NRG1: variants seen among roughly 807,000 people sequenced by gnomAD.
NRG1 encodes neuregulin 1, also known as pro-neuregulin-1, membrane-bound isoform.
In NRG1, 18 loss-of-function variants were observed where a neutral mutation model predicts 63.8. The ratio of observed to expected loss-of-function variants is 0.28; its 90% CI spans 0.19 to 0.42. The LOEUF (loss-of-function observed/expected upper bound fraction) is 0.42. Ranked by LOEUF, NRG1 falls within the 10% of genes least tolerant of loss-of-function variation. NRG1 has a pLI of 1.00. For missense variants in NRG1, 762 were observed against 814.7 expected (o/e 0.94, Z 0.79); for synonymous variants, 302 against 301.3 (o/e 1.00, Z -0.02).
chr8:31,844,893 G>A (rs1334691312), intron 1 of NRG1, among the ~76,000 whole-genome samples: 1 of 151,926 alleles, frequency 6.6e-6, no homozygotes, highest in Non-Finnish European at 1.5e-5. Flanking sequence ...AGGATCATGA[G>A]GTCAGAAGTT....
intron 5 of NRG1, among the ~76,000 whole-genome samples, chr8:32,682,554 A>G (rs1200090418): frequency 6.6e-6 from 1 of 152,188 alleles, no homozygotes; most frequent in Non-Finnish European, 1.5e-5. Context: ...GCTGGTTTCT[A>G]GAAGATAAAT....
chr8:32,696,557 TG>T (rs1185720124), intron 5 of NRG1, among the ~76,000 whole-genome samples: 1 of 152,188 alleles, frequency 6.6e-6, no homozygotes, highest in Non-Finnish European at 1.5e-5. Context: ...TTACCACTTT[TG>T]CCTGCCCTTC....
chr8:31,911,205 A>G (rs1832915204), intron 1 of NRG1, among the ~76,000 whole-genome samples: 2 of 152,178 alleles, frequency 1.3e-5, no homozygotes, highest in Admixed American at 6.5e-5. Context: ...AAACAGAAGT[A>G]CCACTTGACC....
intron 1 of NRG1, among the ~76,000 whole-genome samples, chr8:31,901,453 A>G (rs1041409775): frequency 6.6e-6 from 1 of 152,240 alleles, no homozygotes; most frequent in African/African-American, 2.4e-5. Context: ...AGGCTGCATG[A>G]CAGAAGTATT....
At chr8:32,471,368 G>GT (rs1176022106) in intron 1 of NRG1, among the ~76,000 whole-genome samples, 6 of 152,120 alleles carry the variant, frequency 3.9e-5, no homozygotes, top group African/African-American at 7.2e-5. Context: ...AAGTGAGTCT[G>GT]TTTTTTCCCC....
chr8:32,711,669 T>C (rs560657338), intron 5 of NRG1, among the ~76,000 whole-genome samples: 2 of 152,274 alleles, frequency 1.3e-5, no homozygotes, highest in Admixed American at 6.5e-5. Flanking sequence ...CACCTCCATT[T>C]TTGCAATTAC....
chr8:32,288,733 G>C (rs112858460), intron 1 of NRG1, among the ~76,000 whole-genome samples: 22 of 152,252 alleles, frequency 1.4e-4, no homozygotes, highest in African/African-American at 4.8e-4. Flanking sequence ...CATCGTCAGC[G>C]TGAGGAAGGG....
chr8:32,317,116 T>C (rs1231828790), intron 1 of NRG1, among the ~76,000 whole-genome samples: 1 of 114,460 alleles, frequency 8.7e-6, no homozygotes, highest in East Asian at 2.0e-4. Flanking sequence ...ATACGTTCTC[T>C]CCATGATTTA....
intron 6 of NRG1, chr8:32,728,507 G>A (rs2129015735): frequency 2.0e-6 from 2 of 985,394 alleles, no homozygotes; most frequent in Non-Finnish European, 1.2e-6. Flanking sequence ...AGACAACAAA[G>A]AGAAGCAGAA....
At chr8:32,560,058 A>C (rs2129526698) in intron 1 of NRG1, among the ~76,000 whole-genome samples, 1 of 152,246 alleles carries the variant, frequency 6.6e-6, no homozygotes, top group South Asian at 2.1e-4. Flanking sequence ...AGTATTTTCA[A>C]GACTTGGTAT....
chr8:32,452,079 C>T (rs959014231), intron 1 of NRG1, among the ~76,000 whole-genome samples: 3 of 152,162 alleles, frequency 2.0e-5, no homozygotes, highest in Admixed American at 1.3e-4. Context: ...CTGCCTGCCT[C>T]GACCTCCCAA....
At chr8:32,223,676 C>T (rs993326219) in intron 1 of NRG1, among the ~76,000 whole-genome samples, 1 of 152,202 alleles carries the variant, frequency 6.6e-6, no homozygotes, top group African/African-American at 2.4e-5. Flanking sequence ...CTGTCCTTGT[C>T]CTTGTCAACT....
intron 1 of NRG1, among the ~76,000 whole-genome samples, chr8:32,412,703 T>A (rs894939526): frequency 8.6e-5 from 13 of 151,784 alleles, no homozygotes; most frequent in African/African-American, 2.9e-4. Context: ...TAGAAACCTG[T>A]ACAGCATATT....
intron 1 of NRG1, among the ~76,000 whole-genome samples, chr8:32,572,098 T>G (rs573768472): frequency 5.9e-5 from 9 of 152,256 alleles, no homozygotes; most frequent in Admixed American, 5.9e-4. Flanking sequence ...ACCACAAGTG[T>G]TTTTTTCTCA....
At chr8:32,689,014 G>A (rs1249205427) in intron 5 of NRG1, among the ~76,000 whole-genome samples, 2 of 152,126 alleles carry the variant, frequency 1.3e-5, no homozygotes, top group African/African-American at 2.4e-5. Flanking sequence ...TGTTTTCCAA[G>A]AGGGAGTGCT....
intron 1 of NRG1, among the ~76,000 whole-genome samples, chr8:32,279,488 G>T (rs1852467468): frequency 6.6e-6 from 1 of 152,154 alleles, no homozygotes. Context: ...AAGTAGCTGG[G>T]ATTACAGGCA....
chr8:31,896,154 C>T (rs1831562086), intron 1 of NRG1, among the ~76,000 whole-genome samples: 1 of 152,136 alleles, frequency 6.6e-6, no homozygotes, highest in South Asian at 2.1e-4. Flanking sequence ...ACCAGAGCTG[C>T]TTTAAATGAC....
At chr8:31,939,398 A>G (rs1585917221) in intron 1 of NRG1, among the ~76,000 whole-genome samples, 2 of 152,282 alleles carry the variant, frequency 1.3e-5, no homozygotes, top group South Asian at 4.1e-4. Context: ...CACTACAAGA[A>G]CTGCTGAAAG....
intron 1 of NRG1, among the ~76,000 whole-genome samples, chr8:31,985,802 G>A (rs1018252044): frequency 2.0e-5 from 3 of 152,038 alleles, no homozygotes; most frequent in Non-Finnish European, 4.4e-5. Flanking sequence ...TAAAATAATT[G>A]CAGTATTTAT....
Sources: gnomAD v4.1 joint callset for allele counts (sites outside exome capture counted in the v4.1 genomes callset) on GRCh38, gnomAD v4.1.1 for gene constraint, MANE v1.5 for transcripts, NCBI Gene and HGNC (gene_info 2026-07-23, HGNC 2026-07-21) for gene names.